SATB2: variants seen among roughly 807,000 people sequenced by gnomAD.
SATB2 encodes the protein SATB homeobox 2.
In SATB2, 1 loss-of-function variant was observed where a neutral mutation model predicts 73.4. The observed-to-expected ratio is 0.01, with a 90% confidence interval of 0.00 to 0.06. The LOEUF is 0.06. SATB2 is among the 10% of genes least tolerant of loss of function. The pLI is 1.00. For synonymous variants in SATB2, 397 were observed against 367.0 expected (o/e 1.08, Z -0.93); for missense variants, 459 against 945.8 (o/e 0.49, Z 6.75).
intron 3 of SATB2, among the ~76,000 whole-genome samples, chr2:199,386,710 GCGCGCGCACACACACACA>G (rs1470201067): frequency 0.2 from 18,506 of 90,560 alleles, 1,316 homozygotes; most frequent in East Asian, 0.23. Flanking sequence ...GCGCGCGCGC[GCGCGCGCACACACACACA>G]CACACACACA....
intron 10 of SATB2, among the ~76,000 whole-genome samples, chr2:199,279,209 C>G (rs914576672): frequency 6.6e-6 from 1 of 152,162 alleles, no homozygotes; most frequent in Non-Finnish European, 1.5e-5. Context: ...AAGTTCCTTG[C>G]CCAGTCATAA....
At chr2:199,276,156 A>C (rs1170980370) in intron 10 of SATB2, among the ~76,000 whole-genome samples, 1 of 152,206 alleles carries the variant, frequency 6.6e-6, no homozygotes, top group Non-Finnish European at 1.5e-5. Context: ...AAAGGAGAGC[A>C]GTACCTAATG....
intron 7 of SATB2, chr2:199,348,264 C>T (rs1383382641): frequency 6.6e-6 from 1 of 152,260 alleles, no homozygotes; most frequent in Non-Finnish European, 1.5e-5. Flanking sequence ...AATTATAAAA[C>T]ATAATTTTAT....
At chr2:199,293,388 C>T (rs1692929363) in intron 10 of SATB2, among the ~76,000 whole-genome samples, 4 of 151,966 alleles carry the variant, frequency 2.6e-5, no homozygotes, top group African/African-American at 7.3e-5. Flanking sequence ...ATCAAAAACT[C>T]GAGTAGCCCA....
At chr2:199,278,330 C>T (rs778092313) in intron 10 of SATB2, among the ~76,000 whole-genome samples, 5 of 152,254 alleles carry the variant, frequency 3.3e-5, no homozygotes, top group Admixed American at 1.3e-4. Context: ...CCACTAGCCA[C>T]ATGTGGGTAT....
intron 2 of SATB2, among the ~76,000 whole-genome samples, chr2:199,437,436 T>C (rs938707879): frequency 3.9e-5 from 6 of 152,240 alleles, no homozygotes; most frequent in African/African-American, 1.4e-4. Flanking sequence ...TCTGACATTA[T>C]TTCTAAAGAA....
At chr2:199,318,887 G>C (rs1251606581) in intron 9 of SATB2, among the ~76,000 whole-genome samples, 1 of 151,774 alleles carries the variant, frequency 6.6e-6, no homozygotes. Context: ...CCTATAAGGA[G>C]AGATTTTAAG....
At chr2:199,373,862 CA>C (rs1689519592) in intron 5 of SATB2, among the ~76,000 whole-genome samples, 1 of 152,192 alleles carries the variant, frequency 6.6e-6, no homozygotes, top group Non-Finnish European at 1.5e-5. Context: ...CTGGTTAACA[CA>C]AGACATGATG....
chr2:199,385,444 T>C (rs1350911259), intron 3 of SATB2, among the ~76,000 whole-genome samples: 1 of 152,090 alleles, frequency 6.6e-6, no homozygotes, highest in African/African-American at 2.4e-5. Context: ...AGCCCTCCCC[T>C]ACTTTAAAAC....
intron 9 of SATB2, among the ~76,000 whole-genome samples, chr2:199,311,743 C>T (rs1289103122): frequency 6.6e-6 from 1 of 152,158 alleles, no homozygotes; most frequent in Middle Eastern, 3.2e-3. Context: ...TATTTGTAAG[C>T]CTATCTTCAG....
chr2:199,401,492 G>A (rs1389634541), intron 3 of SATB2, among the ~76,000 whole-genome samples: 1 of 151,652 alleles, frequency 6.6e-6, no homozygotes, highest in Non-Finnish European at 1.5e-5. Context: ...GGCGGAGGTT[G>A]CAGTGAGCTG....
At chr2:199,385,934 A>G (rs999262992) in intron 3 of SATB2, among the ~76,000 whole-genome samples, 1 of 152,142 alleles carries the variant, frequency 6.6e-6, no homozygotes, top group Non-Finnish European at 1.5e-5. Context: ...GGATACGAAC[A>G]ATGCCTACCC....
chr2:199,361,362 C>T (rs1247979484), intron 6 of SATB2, among the ~76,000 whole-genome samples: 1 of 151,964 alleles, frequency 6.6e-6, no homozygotes, highest in Non-Finnish European at 1.5e-5. Context: ...CTCTCCTCTG[C>T]TTGAACCTCT....
chr2:199,285,865 C>T (rs1316533907), intron 10 of SATB2, among the ~76,000 whole-genome samples: 1 of 140,242 alleles, frequency 7.1e-6, no homozygotes, highest in South Asian at 2.4e-4. Flanking sequence ...CAATTTCATC[C>T]AGCCTTAGTC....
intron 2 of SATB2, among the ~76,000 whole-genome samples, chr2:199,447,704 T>A (rs540677724): frequency 2.6e-5 from 4 of 152,204 alleles, no homozygotes; most frequent in African/African-American, 9.6e-5. Flanking sequence ...CCACTTTCCA[T>A]GGGCTCCTCT....
At position 199,457,182 on chromosome 2, in the gene SATB2, G is replaced by A. The variant is rs762238175; in HGVS notation, c.-60+157C>T. On this transcript the variant is annotated intron_variant, in intron 1 of 10. Coordinates refer to ENST00000417098, the MANE Select transcript of SATB2 (RefSeq NM_001172509.2). This position sits in a 1 kb window ranked among gnomAD's most constrained non-coding sequence, Gnocchi z 4.8. ...GGAGGTGAAAGGAAGGATGCGAGAT[G>A]AAGACACGGAGCAGGAGGGCTGAGG... Among the ~76,000 whole-genome samples the A allele has an allele frequency of 1.3e-5, 2 of 152,216 alleles. No homozygotes were observed. Among genetic ancestry groups the A allele is most frequent in the African/African-American group, 4.8e-5 (2 of 41,462 alleles).
At chr2:199,316,593 T>G (rs1349739220) in intron 9 of SATB2, among the ~76,000 whole-genome samples, 3 of 152,100 alleles carry the variant, frequency 2.0e-5, no homozygotes, top group Non-Finnish European at 4.4e-5. Flanking sequence ...TCTATGGATA[T>G]GTCTGTAAAG....
chr2:199,445,523 C>T (rs1691938290), intron 2 of SATB2, among the ~76,000 whole-genome samples: 1 of 152,040 alleles, frequency 6.6e-6, no homozygotes, highest in South Asian at 2.1e-4. Context: ...AATGGTAAGC[C>T]CCAGTTTTGG....
chr2:199,389,971 G>A (rs1407118741), intron 3 of SATB2, among the ~76,000 whole-genome samples: 2 of 151,684 alleles, frequency 1.3e-5, no homozygotes, highest in Non-Finnish European at 2.9e-5. Context: ...TAAAGATTTT[G>A]TCTAATGTAA....
Sources: allele counts gnomAD v4.1 joint callset (sites outside exome capture counted in the v4.1 genomes callset), GRCh38; gene constraint gnomAD v4.1.1; non-coding constraint Gnocchi (gnomAD v3.1); transcripts MANE v1.5; gene names NCBI Gene and HGNC (gene_info 2026-07-23, HGNC 2026-07-21).